PID1: variants seen among roughly 807,000 people sequenced by gnomAD.
PID1 encodes the protein phosphotyrosine interaction domain containing 1, also known as PTB-containing, cubilin and LRP1-interacting protein.
PID1 carries 10 observed loss-of-function variants against 19.1 expected under a neutral mutation model. The ratio of observed to expected loss-of-function variants is 0.52; its 90% CI spans 0.32 to 0.89. The LOEUF is 0.89. Ranked by LOEUF, PID1 falls within the 40% of genes least tolerant of loss-of-function variation. The pLI is 0.03. For synonymous variants in PID1, 130 were observed against 116.0 expected (o/e 1.12, Z -0.78); for missense variants, 248 against 285.3 (o/e 0.87, Z 0.94).
chr2:229,104,368 C>T (rs1476816677), intron 2 of PID1, among the ~76,000 whole-genome samples: 2 of 152,154 alleles, frequency 1.3e-5, no homozygotes, highest in Admixed American at 6.5e-5. Context: ...CAATTGAAAA[C>T]AGATTAAGAA....
chr2:229,245,551 T>TA (rs2106279560), intron 1 of PID1, among the ~76,000 whole-genome samples: 1 of 152,278 alleles, frequency 6.6e-6, no homozygotes, highest in Non-Finnish European at 1.5e-5. Context: ...TACTATTACT[T>TA]AGAGTGCAAA....
chr2:229,086,005 T>C (rs1368251259), intron 2 of PID1, among the ~76,000 whole-genome samples: 1 of 152,172 alleles, frequency 6.6e-6, no homozygotes, highest in African/African-American at 2.4e-5. Context: ...AATATTTTAT[T>C]GACCCTGTAA....
chr2:229,236,177 C>A (rs1429312263), intron 1 of PID1, among the ~76,000 whole-genome samples: 3 of 152,012 alleles, frequency 2.0e-5, no homozygotes, highest in Non-Finnish European at 2.9e-5. Flanking sequence ...AAACATGTTA[C>A]CTTTAGACAG....
At chr2:229,108,840 A>G (rs1695231121) in intron 2 of PID1, among the ~76,000 whole-genome samples, 1 of 152,202 alleles carries the variant, frequency 6.6e-6, no homozygotes, top group Non-Finnish European at 1.5e-5. Context: ...GAATAAAAAA[A>G]AGTGCCTAAA....
intron 2 of PID1, among the ~76,000 whole-genome samples, chr2:229,081,825 T>A (rs989120244): frequency 1.3e-5 from 2 of 152,182 alleles, no homozygotes; most frequent in Non-Finnish European, 2.9e-5. Flanking sequence ...TACTGGGAAG[T>A]GCAGCTAAAA....
intron 2 of PID1, among the ~76,000 whole-genome samples, chr2:229,088,124 C>T (rs1257001682): frequency 8.5e-5 from 13 of 152,146 alleles, no homozygotes; most frequent in Admixed American, 8.5e-4. Flanking sequence ...CAGCTCCTCA[C>T]AAATAGGTTT....
At chr2:229,065,712 C>CAAAAAAAAAA (rs71988256) in intron 2 of PID1, among the ~76,000 whole-genome samples, 2 of 103,962 alleles carry the variant, frequency 1.9e-5, no homozygotes, top group East Asian at 3.2e-4. Flanking sequence ...TTGTGATTTA[C>CAAAAAAAAAA]AAAAAAAAAA....
intron 2 of PID1, among the ~76,000 whole-genome samples, chr2:229,034,620 A>T (rs1693621466): frequency 6.6e-6 from 1 of 152,126 alleles, no homozygotes; most frequent in Non-Finnish European, 1.5e-5. Flanking sequence ...AAGGAGTTGC[A>T]GGGTCCTCCA....
intron 1 of PID1, among the ~76,000 whole-genome samples, chr2:229,264,832 C>T (rs188873570): frequency 2.2e-4 from 34 of 152,290 alleles, no homozygotes; most frequent in African/African-American, 7.9e-4. Flanking sequence ...TTCTTCTCAC[C>T]CTTCACCCAC....
chr2:229,240,928 A>C (rs1689851267), intron 1 of PID1, among the ~76,000 whole-genome samples: 1 of 152,098 alleles, frequency 6.6e-6, no homozygotes, highest in Non-Finnish European at 1.5e-5. Context: ...CTGGAGTAAT[A>C]TCTATTGATC....
intron 1 of PID1, among the ~76,000 whole-genome samples, chr2:229,183,967 A>C (rs56014405): frequency 0.065 from 41 of 626 alleles, 12 homozygotes; most frequent in South Asian, 0.17. Context: ...TATATATCCC[A>C]TATATATATC....
chr2:229,190,138 G>C (rs1215169169), intron 1 of PID1, among the ~76,000 whole-genome samples: 1 of 152,210 alleles, frequency 6.6e-6, no homozygotes, highest in East Asian at 1.9e-4. Flanking sequence ...TCTGGTTATG[G>C]CAAGTGACGT....
chr2:229,033,648 C>G (rs971445863), intron 2 of PID1, among the ~76,000 whole-genome samples: 1 of 152,058 alleles, frequency 6.6e-6, no homozygotes, highest in Non-Finnish European at 1.5e-5. Context: ...CCTGCACGTT[C>G]TGCACATGTA....
intron 1 of PID1, among the ~76,000 whole-genome samples, chr2:229,231,446 T>C (rs1692203785): frequency 6.6e-6 from 1 of 152,072 alleles, no homozygotes; most frequent in African/African-American, 2.4e-5. Context: ...CACATGACTA[T>C]GTCACAGAAA....
chr2:229,093,890 T>A (rs1694924419), intron 2 of PID1, among the ~76,000 whole-genome samples: 1 of 152,144 alleles, frequency 6.6e-6, no homozygotes, highest in Admixed American at 6.5e-5. Flanking sequence ...TCCTAAGAAC[T>A]GAAACAACAC....
At chr2:229,102,632 G>A (rs756348818) in intron 2 of PID1, among the ~76,000 whole-genome samples, 7 of 152,182 alleles carry the variant, frequency 4.6e-5, no homozygotes, top group Non-Finnish European at 8.8e-5. Context: ...GATGTTTGTT[G>A]TTCTTATCAC....
chr2:229,027,358 T>C (rs1046298227), intron 2 of PID1, among the ~76,000 whole-genome samples: 2 of 152,082 alleles, frequency 1.3e-5, no homozygotes, highest in Non-Finnish European at 2.9e-5. Flanking sequence ...GGCATGGGGA[T>C]TGCTATGAAA....
In PID1 at chr2:229,133,093, T is replaced by C. The variant is rs980626997; in HGVS notation, c.177+22725A>G. Among the ~76,000 whole-genome samples the C allele has an allele frequency of 3.3e-5, 5 of 152,368 alleles. No homozygotes were observed. In the East Asian group the frequency reaches 9.6e-4, roughly 29 times the overall value. Reference sequence around the variant, plus strand: ...CACTCTACCTGGAGACGGATTTATTTTGATTGCTAGACACAATCTGTATTA... The same window carrying C: ...CACTCTACCTGGAGACGGATTTATTCTGATTGCTAGACACAATCTGTATTA... On this transcript the variant is annotated intron_variant, in intron 2 of 2. Transcript: ENST00000392055.
chr2:229,168,647 T>C (rs1690650474), intron 1 of PID1, among the ~76,000 whole-genome samples: 1 of 152,212 alleles, frequency 6.6e-6, no homozygotes, highest in South Asian at 2.1e-4. Flanking sequence ...CATCATTATT[T>C]TAAATTCCAT....
Sources: allele counts gnomAD v4.1 joint callset (sites outside exome capture counted in the v4.1 genomes callset), GRCh38; gene constraint gnomAD v4.1.1; transcripts MANE v1.5; gene names NCBI Gene and HGNC (gene_info 2026-07-23, HGNC 2026-07-21).